Variants in CSMD2 observed in about 807,000 individuals in gnomAD.
CSMD2 encodes the protein CUB and sushi domain-containing protein 2.
CSMD2 carries 130 observed loss-of-function variants against 398.5 expected under a neutral mutation model. The ratio of observed to expected loss-of-function variants is 0.33; its 90% CI spans 0.28 to 0.38. The LOEUF (loss-of-function observed/expected upper bound fraction) is 0.38, where lower values mean the gene tolerates loss of function less well. Among genes scored for constraint, CSMD2 ranks in the 10% least tolerant of loss-of-function variants. The pLI, the probability that CSMD2 is intolerant of heterozygous loss-of-function variation, is 1.00. For missense variants in CSMD2, 3,829 were observed against 4,764.9 expected, an observed-to-expected ratio of 0.80 and a Z score of 5.78; for synonymous variants, 1,828 against 1,908.5, an observed-to-expected ratio of 0.96 and a Z score of 1.10.
Position 33,577,276 on chromosome 1 carries a change from C to T in CSMD2, c.7576+20G>A, listed in dbSNP as rs913998930. The T allele has an allele frequency of 5.7e-6, 9 of 1,584,024 alleles. No homozygotes were observed. The Admixed American group carries it at 8.5e-5, about 15-fold the overall frequency. ...TTGGATCCGAGCTACCTTGTGACCC[C>T]CTTTCCACCTGCTTCTCACCTTGAC... On this transcript the variant is annotated intron_variant, in intron 49 of 70. Transcript: ENST00000373381.
intron 39 of CSMD2, among the ~76,000 whole-genome samples, chr1:33,615,036 G>T (rs1287306337): frequency 6.6e-6 from 1 of 152,202 alleles, no homozygotes. Flanking sequence ...GAAGGAAGGG[G>T]ACTGGCATGC....
intron 3 of CSMD2, among the ~76,000 whole-genome samples, 200 bp downstream of exon 3, chr1:34,032,394 G>A (rs1053140134): frequency 3.9e-5 from 6 of 152,174 alleles, no homozygotes; most frequent in Non-Finnish European, 1.5e-5. Context: ...CATGAGCTTT[G>A]ATTTCAATTC....
At chr1:33,648,891 C>T (rs558417861) in intron 28 of CSMD2, among the ~76,000 whole-genome samples, 11 of 152,088 alleles carry the variant, frequency 7.2e-5, no homozygotes, top group African/African-American at 2.6e-4. Context: ...TTTTTTCTTC[C>T]GTTAATAAAG....
chr1:33,708,373 A>G (rs612279), intron 22 of CSMD2, among the ~76,000 whole-genome samples: 137,003 of 152,168 alleles, frequency 0.9, 61,879 homozygotes, highest in African/African-American at 0.97. Context: ...TGACACAGGT[A>G]TGCACAGACA....
At chr1:34,012,985 T>C (rs554967994) in intron 3 of CSMD2, among the ~76,000 whole-genome samples, 2 of 152,288 alleles carry the variant, frequency 1.3e-5, no homozygotes, top group African/African-American at 4.8e-5. Flanking sequence ...AGCTTCCTTT[T>C]TGTGAACCAA....
rs535020645 is a variant in CSMD2, at chr1:33,624,760, T to C, written c.5501-117A>G. 4.5e-6 allele frequency: 6 copies of C among 1,330,220 alleles called. No homozygotes were observed. The highest frequency in any genetic ancestry group is 5.1e-6 in the Non-Finnish European group (5 of 980,566). The allele number at this position is 1,330,220 out of a possible 1,614,324, so 82.4% of individuals were successfully genotyped here. ...TTGTCCTCCTCCCCATGGGGGTGTCTCCCTAATGTCCCCAGTCCTGCCTTC... is the reference window on the plus strand; with the variant it reads ...TTGTCCTCCTCCCCATGGGGGTGTCCCCCTAATGTCCCCAGTCCTGCCTTC... On this transcript the variant is annotated intron_variant, in intron 34 of 70. Transcript: ENST00000373381. The surrounding 1 kb of genome is among the most constrained non-coding windows in gnomAD (Gnocchi z 4.7).
chr1:33,935,595 C>T (rs567326282), intron 4 of CSMD2, among the ~76,000 whole-genome samples, 165 bp downstream of exon 4: 1 of 152,274 alleles, frequency 6.6e-6, no homozygotes, highest in Admixed American at 6.5e-5. Context: ...TGAAATACCC[C>T]TAGAACACTT....
chr1:33,756,668 A>G (rs149885764), intron 13 of CSMD2, among the ~76,000 whole-genome samples: 2,906 of 152,308 alleles, frequency 0.019, 35 homozygotes, highest in South Asian at 0.03. Flanking sequence ...AGATGGAGCA[A>G]GGAACACAAG....
chr1:33,660,355 T>C (rs1397897168), intron 26 of CSMD2, among the ~76,000 whole-genome samples: 1 of 152,128 alleles, frequency 6.6e-6, no homozygotes, highest in African/African-American at 2.4e-5. Flanking sequence ...TTTCTCTCTT[T>C]AATGCTCCTG....
At position 33,867,600 on chromosome 1, in the gene CSMD2, A is replaced by G. The variant is rs188306892; in HGVS notation, c.921-20604T>C. On this transcript the variant is annotated intron_variant, in intron 5 of 70. Coordinates refer to ENST00000373381, the MANE Select transcript of CSMD2 (RefSeq NM_001281956.2). ...CTCAATAAATGCCCTCTTCCTTATA[A>G]TTCTAGAAGAGACTGTCTTTAATCT... 3.3e-4 allele frequency among the ~76,000 whole-genome samples: 51 copies of G among 152,348 alleles called. 1 individual carries two copies. Among genetic ancestry groups the G allele is most frequent in the African/African-American group, 1.2e-3 (49 of 41,580 alleles).
intron 44 of CSMD2, among the ~76,000 whole-genome samples, chr1:33,588,737 T>A (rs1392355360): frequency 6.6e-6 from 1 of 152,190 alleles, no homozygotes; most frequent in African/African-American, 2.4e-5. Context: ...CAGTGCGCCA[T>A]GAAATCTTGC....
rs745987230 is a variant in CSMD2, at chr1:33,550,371, T to A, written c.8744-21A>T. The A allele has an allele frequency of 4.4e-6, 7 of 1,607,970 alleles. No individual in the cohort carries two copies. In the African/African-American group the frequency reaches 9.4e-5, roughly 22 times the overall value. Reference sequence around the variant, plus strand: ...CACCACTGTGGGGGAAAAGCAAACATCTCAATGACTCTGCACAGGGATGGC... The same window carrying A: ...CACCACTGTGGGGGAAAAGCAAACAACTCAATGACTCTGCACAGGGATGGC... On this transcript the variant is annotated intron_variant, in intron 55 of 70. Coordinates refer to ENST00000373381, the MANE Select transcript of CSMD2 (RefSeq NM_001281956.2).
intron 13 of CSMD2, among the ~76,000 whole-genome samples, chr1:33,755,482 AG>A (rs1438288976): frequency 6.6e-6 from 1 of 152,198 alleles, no homozygotes; most frequent in African/African-American, 2.4e-5. Context: ...CTTTCTAAGG[AG>A]AATACTGAGG....
chr1:33,733,162 T>G (rs984460730), intron 15 of CSMD2, among the ~76,000 whole-genome samples: 7 of 152,134 alleles, frequency 4.6e-5, no homozygotes, highest in African/African-American at 1.7e-4. Flanking sequence ...CCAGTGTGAG[T>G]GACCAGAAGT....
intron 3 of CSMD2, among the ~76,000 whole-genome samples, chr1:34,023,064 GTCC>G (rs1044526424): frequency 7.9e-5 from 12 of 152,128 alleles, no homozygotes; most frequent in African/African-American, 2.4e-4. Flanking sequence ...TCAAACTCCT[GTCC>G]TCAAATGATC....
chr1:34,134,153 G>T (rs1408386933), intron 1 of CSMD2, among the ~76,000 whole-genome samples: 2 of 151,728 alleles, frequency 1.3e-5, no homozygotes, highest in Admixed American at 6.6e-5. Flanking sequence ...TCATGCTTGT[G>T]GTCTCCATGG....
chr1:33,897,113 A>G (rs537192665), intron 5 of CSMD2, among the ~76,000 whole-genome samples: 1 of 152,186 alleles, frequency 6.6e-6, no homozygotes, highest in South Asian at 2.1e-4. Context: ...TGGCTCCTCT[A>G]TGGGGTAAAC....
intron 1 of CSMD2, among the ~76,000 whole-genome samples, chr1:34,124,928 C>G (rs1662581699): frequency 6.6e-6 from 1 of 152,126 alleles, no homozygotes. Context: ...CCATCAATGC[C>G]CCCTCCCCAT....
At chr1:33,984,485 T>G (rs1233725627) in intron 3 of CSMD2, among the ~76,000 whole-genome samples, 1 of 152,104 alleles carries the variant, frequency 6.6e-6, no homozygotes, top group African/African-American at 2.4e-5. Context: ...ACTTGCTTTT[T>G]AAGAAAACAA....
Sources: allele counts gnomAD v4.1 joint callset (sites outside exome capture counted in the v4.1 genomes callset), GRCh38; gene constraint gnomAD v4.1.1; non-coding constraint Gnocchi (gnomAD v3.1); transcripts MANE v1.5; gene names NCBI Gene and HGNC (gene_info 2026-07-23, HGNC 2026-07-21).